Variants in HIVEP3 observed in about 807,000 individuals in gnomAD.
HIVEP3 encodes the protein HIVEP zinc finger 3, also known as transcription factor HIVEP3.
In HIVEP3, 49 loss-of-function variants were observed where a neutral mutation model predicts 152.8. That is an observed-to-expected ratio of 0.32 (90% CI 0.26 to 0.41). The LOEUF (loss-of-function observed/expected upper bound fraction) is 0.41. Among genes scored for constraint, HIVEP3 ranks in the 10% least tolerant of loss-of-function variants. The pLI, the probability that HIVEP3 is intolerant of heterozygous loss-of-function variation, is 1.00. For synonymous variants in HIVEP3, 1,269 were observed against 1,289.0 expected (o/e 0.98, Z 0.33); for missense variants, 2,790 against 3,103.3 (o/e 0.90, Z 2.40).
chr1:41,883,089 C>G (rs1041527244), intron 1 of HIVEP3, among the ~76,000 whole-genome samples: 1 of 152,012 alleles, frequency 6.6e-6, no homozygotes, highest in African/African-American at 2.4e-5. Flanking sequence ...CCTGGTCACA[C>G]AGAAAATACA....
chr1:41,690,951 G>A (rs916208891), intron 2 of HIVEP3, among the ~76,000 whole-genome samples: 2 of 152,114 alleles, frequency 1.3e-5, no homozygotes, highest in Non-Finnish European at 1.5e-5. Flanking sequence ...AAGAAAGCAT[G>A]GATTTTGGAG....
intron 2 of HIVEP3, among the ~76,000 whole-genome samples, chr1:41,660,678 G>C (rs561593888): frequency 6.6e-6 from 1 of 152,288 alleles, no homozygotes; most frequent in South Asian, 2.1e-4. Flanking sequence ...TGTTTCCTTG[G>C]AGAGCAAGCC....
intron 2 of HIVEP3, among the ~76,000 whole-genome samples, chr1:41,647,855 G>A (rs1645484835): frequency 6.6e-6 from 1 of 152,242 alleles, no homozygotes; most frequent in Non-Finnish European, 1.5e-5. Flanking sequence ...GAAGCCCATG[G>A]GATGTTCTGA....
chr1:41,699,918 C>A (rs542370052), intron 2 of HIVEP3, among the ~76,000 whole-genome samples: 9 of 152,172 alleles, frequency 5.9e-5, no homozygotes, highest in African/African-American at 2.2e-4. Context: ...CAGAGTCCTG[C>A]CGCTCTCTTG....
intron 1 of HIVEP3, among the ~76,000 whole-genome samples, chr1:41,711,862 TG>T (rs1319703516): frequency 1.3e-5 from 2 of 152,194 alleles, no homozygotes; most frequent in African/African-American, 4.8e-5. Flanking sequence ...TGGGCTATTC[TG>T]GGGTTTTAAT....
intron 1 of HIVEP3, among the ~76,000 whole-genome samples, chr1:41,855,665 C>T (rs1034909162): frequency 6.6e-6 from 1 of 152,204 alleles, no homozygotes; most frequent in Non-Finnish European, 1.5e-5. Context: ...ATTCTCACAA[C>T]ACTTTTCATA....
At chr1:41,921,947 C>G (rs1320865740), upstream of HIVEP3, among the ~76,000 whole-genome samples, 1 of 151,968 alleles carries the variant, frequency 6.6e-6, no homozygotes, top group Non-Finnish European at 1.5e-5. Flanking sequence ...ACACCACATG[C>G]ACACAAAAGA....
intron 1 of HIVEP3, among the ~76,000 whole-genome samples, chr1:41,827,782 T>C (rs1642846193): frequency 2.0e-5 from 3 of 152,136 alleles, no homozygotes; most frequent in Non-Finnish European, 4.4e-5. Context: ...TTACAAATCA[T>C]TGATCCAAAT....
chr1:41,868,853 T>C (rs1644029658), intron 1 of HIVEP3, among the ~76,000 whole-genome samples: 1 of 152,248 alleles, frequency 6.6e-6, no homozygotes, highest in Non-Finnish European at 1.5e-5. Flanking sequence ...AAGACTGTTG[T>C]AAGGCTTAAG....
At chr1:41,997,134 G>A (rs1299785285) in intron 1 of HIVEP3, among the ~76,000 whole-genome samples, 4 of 152,200 alleles carry the variant, frequency 2.6e-5, no homozygotes, top group Non-Finnish European at 5.9e-5. Context: ...CAGGGGGAGG[G>A]AACATTATTC....
At chr1:41,575,071 C>T (rs1181079115) in intron 5 of HIVEP3, among the ~76,000 whole-genome samples, 4 of 152,232 alleles carry the variant, frequency 2.6e-5, no homozygotes, top group Non-Finnish European at 5.9e-5. Flanking sequence ...CTGGTGCATA[C>T]AGTGTGCAGT....
intron 1 of HIVEP3, among the ~76,000 whole-genome samples, chr1:41,938,047 C>T (rs1645028263): frequency 1.3e-5 from 2 of 152,184 alleles, no homozygotes; most frequent in Admixed American, 1.3e-4. Context: ...GTCTTCTTCT[C>T]CTGGCCTTTG....
chr1:41,997,237 G>A (rs1645400896), intron 1 of HIVEP3, among the ~76,000 whole-genome samples: 1 of 152,206 alleles, frequency 6.6e-6, no homozygotes. Flanking sequence ...TTCTAGAGTA[G>A]GGGTCATAGA....
chr1:41,521,417 G>A (rs974049929), intron 6 of HIVEP3, among the ~76,000 whole-genome samples: 34 of 152,384 alleles, frequency 2.2e-4, no homozygotes, highest in African/African-American at 6.7e-4. Flanking sequence ...CGGGGGTGCA[G>A]GGAGGAGTCA....
In HIVEP3 at chr1:41,641,862, C is replaced by G. The variant is rs574370520; in HGVS notation, c.-720-12915G>C. ...TGAGATTTAAGAGAATTTAAGAGCA[C>G]AGGCTACTAGGTTTGCATCCCGCCT... On this transcript the variant is annotated intron_variant, in intron 2 of 8. Transcript: ENST00000372583. Among the ~76,000 whole-genome samples, 15 of 152,336 alleles carry G rather than the reference C, an allele frequency of 9.8e-5. 1 individual carries two copies. Among genetic ancestry groups the G allele is most frequent in the Admixed American group, 8.5e-4 (13 of 15,310 alleles).
intron 2 of HIVEP3, among the ~76,000 whole-genome samples, chr1:41,645,893 C>T (rs1239460663): frequency 6.6e-6 from 1 of 152,182 alleles, no homozygotes; most frequent in Non-Finnish European, 1.5e-5. Flanking sequence ...GGTCTGTTCC[C>T]TCATCTATAA....
intron 1 of HIVEP3, among the ~76,000 whole-genome samples, chr1:41,986,732 G>T (rs939610901): frequency 6.6e-6 from 1 of 152,166 alleles, no homozygotes; most frequent in African/African-American, 2.4e-5. Flanking sequence ...GAGCCACCGC[G>T]CCCTGCCGAA....
At chr1:41,616,700 G>A (rs924455455) in intron 3 of HIVEP3, among the ~76,000 whole-genome samples, 1 of 131,352 alleles carries the variant, frequency 7.6e-6, no homozygotes, top group Non-Finnish European at 1.6e-5. Context: ...TGATCCTCCC[G>A]CCTTAGCATC....
chr1:41,782,496 A>G (rs7553534), intron 1 of HIVEP3, among the ~76,000 whole-genome samples: 94,771 of 151,970 alleles, frequency 0.62, 30,595 homozygotes, highest in African/African-American at 0.8. Flanking sequence ...CACTTTCGGA[A>G]GCCAAGGCGG....
Sources: allele counts gnomAD v4.1 joint callset (sites outside exome capture counted in the v4.1 genomes callset), GRCh38; gene constraint gnomAD v4.1.1; transcripts MANE v1.5; gene names NCBI Gene and HGNC (gene_info 2026-07-23, HGNC 2026-07-21).